The following TRDN variants were observed in gnomAD, a reference collection of about 807,000 sequenced individuals.
TRDN encodes triadin in skeletal muscle.
A neutral mutation model predicts 149.7 loss-of-function variants in TRDN; 161 were observed. The ratio of observed to expected loss-of-function variants is 1.08; its 90% CI spans 0.95 to 1.23. The LOEUF is 1.23. Among genes scored for constraint, TRDN ranks in the 50% most tolerant of loss-of-function variants. The probability of loss-of-function intolerance (pLI) is 0.00; values close to 1 mark genes in which losing one functional copy is unlikely to be tolerated. For synonymous variants in TRDN, 294 were observed against 250.5 expected, an observed-to-expected ratio of 1.17 and a Z score of -1.64; for missense variants, 896 against 823.5, an observed-to-expected ratio of 1.09 and a Z score of -1.08.
At chr6:123,488,045 T>C (rs1298599345) in intron 9 of TRDN, among the ~76,000 whole-genome samples, 1 of 152,176 alleles carries the variant, frequency 6.6e-6, no homozygotes, top group Non-Finnish European at 1.5e-5. Flanking sequence ...TTAGTATTCT[T>C]ATATCCTCTA....
At position 123,303,916 on chromosome 6, in the gene TRDN, GA is replaced by G. The variant is rs202018212; in HGVS notation, c.1510+12540del. On this transcript the variant is annotated intron_variant, in intron 24 of 40. Transcript: ENST00000334268. ...TTCAGGGAAGAGATAATAAGAATCAGAAAAAAACAGGTTTTACCCAGAAGAA... is the reference window on the plus strand; with the variant it reads ...TTCAGGGAAGAGATAATAAGAATCAGAAAAAACAGGTTTTACCCAGAAGAA... Among the ~76,000 whole-genome samples, 23 of 152,028 alleles carry G rather than the reference GA, an allele frequency of 1.5e-4. No homozygotes were observed. The East Asian group carries it at 4.3e-3, about 28-fold the overall frequency.
At chr6:123,421,240 G>A (rs1301338085) in intron 12 of TRDN, among the ~76,000 whole-genome samples, 3 of 152,092 alleles carry the variant, frequency 2.0e-5, no homozygotes, top group African/African-American at 7.2e-5. Flanking sequence ...CTCCTTACCT[G>A]TCACCAGCAT....
chr6:123,334,721 A>T (rs540494863), intron 22 of TRDN, among the ~76,000 whole-genome samples: 1 of 152,072 alleles, frequency 6.6e-6, no homozygotes, highest in South Asian at 2.1e-4. Context: ...TTTCTTTGCA[A>T]CGGTCATCCC....
intron 12 of TRDN, among the ~76,000 whole-genome samples, chr6:123,412,098 A>G (rs1021132064): frequency 7.2e-5 from 11 of 152,214 alleles, no homozygotes; most frequent in Non-Finnish European, 1.3e-4. Context: ...ATCAGCAAAC[A>G]CTATAACGCA....
intron 24 of TRDN, among the ~76,000 whole-genome samples, chr6:123,315,799 A>T (rs1210912314): frequency 1.3e-5 from 2 of 151,892 alleles, no homozygotes; most frequent in Non-Finnish European, 2.9e-5. Flanking sequence ...ATATTCTATG[A>T]TATTCATCCA....
intron 22 of TRDN, among the ~76,000 whole-genome samples, chr6:123,332,363 C>T (rs1009535777): frequency 6.6e-5 from 10 of 151,934 alleles, no homozygotes; most frequent in African/African-American, 1.7e-4. Flanking sequence ...ATGTATGTAG[C>T]GGTGTTTTAG....
chr6:123,416,129 C>A (rs1275032576), intron 12 of TRDN, among the ~76,000 whole-genome samples: 1 of 152,090 alleles, frequency 6.6e-6, no homozygotes, highest in Non-Finnish European at 1.5e-5. Context: ...GGGGACAGAG[C>A]AAGAGGCAAC....
intron 38 of TRDN, 25 bp from the exon 39 acceptor site, chr6:123,224,156 A>G: frequency 6.2e-7 from 1 of 1,606,286 alleles, no homozygotes; most frequent in Non-Finnish European, 8.5e-7. Flanking sequence ...AAAGGCACAT[A>G]GAATCACAGT....
At chr6:123,344,486 C>T (rs1009280396) in intron 21 of TRDN, among the ~76,000 whole-genome samples, 1 of 152,008 alleles carries the variant, frequency 6.6e-6, no homozygotes, top group African/African-American at 2.4e-5. Context: ...TTTCTCCATA[C>T]TTTTGCCTTT....
Position 123,352,532 on chromosome 6 carries a change from T to G in TRDN, c.1369+7A>C. The G allele has an allele frequency of 1.2e-6, 2 of 1,610,654 alleles. No homozygotes were observed. The highest frequency in any genetic ancestry group is 1.7e-6 in the Non-Finnish European group (2 of 1,178,282). On this transcript the variant is annotated splice_region_variant and intron_variant, in intron 21 of 40. Coordinates refer to ENST00000334268, the MANE Select transcript of TRDN (RefSeq NM_006073.4). ...AGATAATGTCAACCTCCTTCATTTT[T>G]TTTTACCTTGCTCCACTGTCTTGGT...
intron 10 of TRDN, among the ~76,000 whole-genome samples, chr6:123,450,186 A>C (rs531612963): frequency 6.6e-6 from 1 of 152,218 alleles, no homozygotes; most frequent in Middle Eastern, 3.4e-3. Flanking sequence ...AAATAACCAA[A>C]GTACACAGGC....
At chr6:123,421,217 G>A (rs1447173975) in intron 12 of TRDN, among the ~76,000 whole-genome samples, 1 of 152,136 alleles carries the variant, frequency 6.6e-6, no homozygotes, top group Admixed American at 6.6e-5. Flanking sequence ...AATCTGCCAC[G>A]TTGGATTAGG....
chr6:123,587,806 T>A (rs796095812), intron 1 of TRDN, among the ~76,000 whole-genome samples: 16 of 149,688 alleles, frequency 1.1e-4, no homozygotes, highest in African/African-American at 3.2e-4. Context: ...GGTCACAAGG[T>A]ACTCAGTGGG....
rs1416206732 is a variant in TRDN, at chr6:123,477,502, C to T, written c.854-12519G>A. On this transcript the variant is annotated intron_variant, in intron 9 of 40. Transcript: ENST00000334268. ...TCAACCATTGTGGAAGTCAGTGTGG[C>T]GATTCCTCAGGGATCTAGAACTGGA... Among the ~76,000 whole-genome samples the T allele has an allele frequency of 3.4e-5, 5 of 147,602 alleles. No homozygotes were observed. In the South Asian group the frequency reaches 9.0e-4, roughly 26 times the overall value.
chr6:123,255,074 A>G lies in TRDN; in HGVS notation c.1951+7T>C. The G allele has an allele frequency of 7.3e-7, 1 of 1,364,518 alleles. No homozygotes were observed. Among genetic ancestry groups the G allele is most frequent in the Non-Finnish European group, 1.0e-6 (1 of 994,942 alleles). 84.5% of individuals were successfully genotyped at this position (1,364,518 alleles called of 1,614,324 possible). On this transcript the variant is annotated splice_region_variant and intron_variant, in intron 37 of 40. Coordinates refer to ENST00000334268, the MANE Select transcript of TRDN (RefSeq NM_006073.4). ...ACAAACATAGTAGTTACGTAATTCA[A>G]GATTACCTTTTGTCACATTGTGTAA...
intron 20 of TRDN, among the ~76,000 whole-genome samples, chr6:123,364,160 A>G (rs1781001422): frequency 6.6e-6 from 1 of 152,114 alleles, no homozygotes; most frequent in Non-Finnish European, 1.5e-5. Context: ...TTCATGAATC[A>G]TTTTTTGCTC....
At chr6:123,464,259 C>T (rs1776651909) in intron 10 of TRDN, 1 of 984,460 alleles carries the variant, frequency 1.0e-6, no homozygotes, top group African/African-American at 1.7e-5. Flanking sequence ...CTTTAACGTT[C>T]CAGCAAAATT....
chr6:123,265,301 TA>T lies in TRDN; in HGVS notation c.1804+16del. The T allele has an allele frequency of 7.1e-7, 1 of 1,408,116 alleles. No individual in the cohort carries two copies. The highest frequency in any genetic ancestry group is 9.5e-7 in the Non-Finnish European group (1 of 1,053,954). The allele number at this position is 1,408,116 out of a possible 1,614,324, so 87.2% of individuals were successfully genotyped here. On this transcript the variant is annotated intron_variant, in intron 33 of 40. Transcript: ENST00000334268. ...ATGAAATAGGACAATTTTAAAATTC[TA>T]AAATGGTACACTTACTTGGAGTTGG... is the stretch of plus-strand genomic sequence containing the variant.
chr6:123,299,189 A>G (rs1485049153), intron 24 of TRDN, among the ~76,000 whole-genome samples: 2 of 152,028 alleles, frequency 1.3e-5, no homozygotes, highest in Non-Finnish European at 1.5e-5. Flanking sequence ...CTACTATGAT[A>G]TAAGACCTGG....
Sources: gnomAD v4.1 joint callset for allele counts (sites outside exome capture counted in the v4.1 genomes callset) on GRCh38, gnomAD v4.1.1 for gene constraint, MANE v1.5 for transcripts, NCBI Gene and HGNC (gene_info 2026-07-23, HGNC 2026-07-21) for gene names.